Variants in SEC24B observed in about 807,000 individuals in gnomAD.
The protein encoded by SEC24B is protein transport protein Sec24B.
In SEC24B, 45 loss-of-function variants were observed where a neutral mutation model predicts 142.8. The observed-to-expected ratio is 0.32, with a 90% CI of 0.25 to 0.40. The LOEUF (loss-of-function observed/expected upper bound fraction) is 0.40. SEC24B is among the 10% of genes least tolerant of loss of function. The pLI is 1.00. For synonymous variants in SEC24B, 574 were observed against 568.2 expected (o/e 1.01, Z -0.15); for missense variants, 1,409 against 1,526.8 (o/e 0.92, Z 1.29).
intron 11 of SEC24B, among the ~76,000 whole-genome samples, chr4:109,517,480 C>T (rs1723067437): frequency 6.6e-6 from 1 of 151,960 alleles, no homozygotes; most frequent in Admixed American, 6.6e-5. Flanking sequence ...AGATCCTAGC[C>T]AAAGTGTAAA....
At chr4:109,506,017 C>T (rs1229746921) in intron 6 of SEC24B, among the ~76,000 whole-genome samples, 15 of 152,232 alleles carry the variant, frequency 9.9e-5, no homozygotes, top group Non-Finnish European at 1.0e-4. Context: ...GGGAGGGGAA[C>T]CTTGAGAACA....
At chr4:109,538,400 C>A in intron 22 of SEC24B, 93 bp from the exon 23 acceptor site, 1 of 766,432 alleles carries the variant, frequency 1.3e-6, no homozygotes, top group Admixed American at 1.9e-5. Flanking sequence ...AGAGTGCTGG[C>A]AGTTGGGGGT....
chr4:109,522,699 C>G (rs1486071390), intron 14 of SEC24B, among the ~76,000 whole-genome samples: 1 of 152,166 alleles, frequency 6.6e-6, no homozygotes, highest in Non-Finnish European at 1.5e-5. Context: ...TCTAACGATA[C>G]TAGCATTTAG....
intron 11 of SEC24B, among the ~76,000 whole-genome samples, chr4:109,518,738 A>G (rs1395822750): frequency 6.6e-6 from 1 of 151,972 alleles, no homozygotes; most frequent in Non-Finnish European, 1.5e-5. Flanking sequence ...AGTGAGTGGC[A>G]ACGGAAGACT....
chr4:109,448,011 C>A (rs1278604248), intron 1 of SEC24B, among the ~76,000 whole-genome samples: 15 of 152,190 alleles, frequency 9.9e-5, no homozygotes, highest in Admixed American at 9.8e-4. Context: ...TCTGAGAATT[C>A]TTCTGTAGTC....
At chr4:109,460,029 C>T (rs1286501579) in intron 1 of SEC24B, among the ~76,000 whole-genome samples, 1 of 152,022 alleles carries the variant, frequency 6.6e-6, no homozygotes, top group Non-Finnish European at 1.5e-5. Context: ...GAATTATTAC[C>T]ATCTAAAATA....
intron 3 of SEC24B, among the ~76,000 whole-genome samples, chr4:109,478,399 T>C (rs1205158091): frequency 6.6e-6 from 1 of 152,188 alleles, no homozygotes; most frequent in Non-Finnish European, 1.5e-5. Flanking sequence ...ATAATTTTAA[T>C]TGAATATACC....
intron 7 of SEC24B, 58 bp from the exon 8 acceptor site, chr4:109,509,951 C>A: frequency 9.8e-7 from 1 of 1,015,402 alleles, no homozygotes; most frequent in Non-Finnish European, 1.5e-6. Flanking sequence ...ATCTTATCTA[C>A]TTCAGTGTAT....
At chr4:109,493,369 C>G (rs1030075818) in intron 5 of SEC24B, among the ~76,000 whole-genome samples, 2 of 152,070 alleles carry the variant, frequency 1.3e-5, no homozygotes, top group African/African-American at 4.8e-5. Context: ...ATCTTACGAA[C>G]TAAAATGAAT....
rs1166906206 is a variant in SEC24B at position 109,538,485 on chromosome 4, T to C, written c.3589-8T>C. On this transcript the variant is annotated splice_polypyrimidine_tract_variant and splice_region_variant and intron_variant, in intron 22 of 23. Coordinates refer to ENST00000265175, the MANE Select transcript of SEC24B (RefSeq NM_006323.5). ...AGGAAAGTTTCCTAATTGTATTTCT[T>C]TTACCAGACACATCTTCCAGAGCTA... The C allele has an allele frequency of 1.9e-6, 3 of 1,592,830 alleles. No homozygotes were observed. The highest frequency in any genetic ancestry group is 1.7e-6 in the Non-Finnish European group (2 of 1,161,180).
At chr4:109,446,521 T>A (rs1192323625) in intron 1 of SEC24B, among the ~76,000 whole-genome samples, 1 of 152,182 alleles carries the variant, frequency 6.6e-6, no homozygotes. Flanking sequence ...ACTGACTTTG[T>A]TGTACTTTGT....
chr4:109,527,085 G>A lies in SEC24B; in HGVS notation c.2966-237G>A, dbSNP rs1211020181. 2.6e-5 allele frequency among the ~76,000 whole-genome samples: 4 copies of A among 151,974 alleles called. No individual in the cohort carries two copies. In the East Asian group the frequency reaches 7.7e-4, roughly 29 times the overall value. On this transcript the variant is annotated intron_variant, in intron 17 of 23. Transcript: ENST00000265175. Reference sequence around the variant, plus strand: ...AATACAAAAATTAGCTGGGTATGGTGGCAGGCACCTGTAATCCCAGCTACT... The same window carrying A: ...AATACAAAAATTAGCTGGGTATGGTAGCAGGCACCTGTAATCCCAGCTACT...
At chr4:109,451,679 A>T (rs760184594) in intron 1 of SEC24B, among the ~76,000 whole-genome samples, 1 of 152,108 alleles carries the variant, frequency 6.6e-6, no homozygotes, top group Non-Finnish European at 1.5e-5. Flanking sequence ...TTATTGGAGG[A>T]TGATATTTAG....
At chr4:109,442,846 T>G (rs1200961640) in intron 1 of SEC24B, among the ~76,000 whole-genome samples, 2 of 152,176 alleles carry the variant, frequency 1.3e-5, no homozygotes, top group Non-Finnish European at 1.5e-5. Flanking sequence ...TATTTTTGTG[T>G]TTTCCTGTAT....
At chr4:109,515,595 C>T (rs1214921979) in intron 10 of SEC24B, among the ~76,000 whole-genome samples, 5 of 152,130 alleles carry the variant, frequency 3.3e-5, no homozygotes, top group African/African-American at 1.2e-4. Flanking sequence ...CCCAAAAGTG[C>T]TGGGATTACA....
At chr4:109,530,246 G>A in intron 18 of SEC24B, 43 bp from the exon 19 acceptor site, 3 of 1,542,414 alleles carry the variant, frequency 1.9e-6, no homozygotes, top group Non-Finnish European at 2.6e-6. Context: ...GTGCCCATTG[G>A]ATTCTAATGG....
intron 11 of SEC24B, among the ~76,000 whole-genome samples, chr4:109,520,125 C>A (rs1295255884): frequency 1.3e-5 from 2 of 152,118 alleles, no homozygotes; most frequent in African/African-American, 4.8e-5. Context: ...ACTTATTTGT[C>A]ATTCTGCCCT....
intron 1 of SEC24B, among the ~76,000 whole-genome samples, chr4:109,461,446 C>T (rs981501175): frequency 7.9e-5 from 12 of 152,074 alleles, no homozygotes; most frequent in African/African-American, 2.7e-4. Context: ...AGATATTCAT[C>T]AATGGAGATT....
At position 109,530,456 on chromosome 4, in the gene SEC24B, C is replaced by T. The variant is rs771366242; in HGVS notation, c.3244C>T (p.Leu1082Phe). ...KLFPLYVLAL[L>F]KQKAFRTGTS... is the part of the protein sequence containing the mutation. ...GTTTCCTCTCTATGTTTTGGCCCTT[C>T]TCAAACAGGTAGCTTTTTATACATT... is the stretch of plus-strand genomic sequence containing the variant. The change falls in exon 19 of 24, where the codon CTC becomes TTC. Residue 1082 changes from leucine (L) to phenylalanine (F), a missense_variant. By Grantham distance (22) the Leu-to-Phe change is conservative (BLOSUM62 0). Transcript: ENST00000265175. The T allele has an allele frequency of 7.4e-6, 12 of 1,612,772 alleles. No individual in the cohort carries two copies. Among genetic ancestry groups the T allele is most frequent in the Non-Finnish European group, 1.0e-5 (12 of 1,179,368 alleles).
Sources: gnomAD v4.1 joint callset for allele counts (sites outside exome capture counted in the v4.1 genomes callset) on GRCh38, gnomAD v4.1.1 for gene constraint, MANE v1.5 for transcripts, NCBI Gene and HGNC (gene_info 2026-07-23, HGNC 2026-07-21) for gene names.